Variants in PPM1L observed in about 807,000 individuals in gnomAD.
PPM1L encodes the protein protein phosphatase 1L.
A neutral mutation model predicts 31.4 loss-of-function variants in PPM1L; 13 were observed. The ratio of observed to expected loss-of-function variants is 0.41; its 90% CI spans 0.27 to 0.66. The LOEUF is 0.66. PPM1L is among the 30% of genes least tolerant of loss of function. The pLI, the probability that PPM1L is intolerant of heterozygous loss-of-function variation, is 0.29. For missense variants in PPM1L, 326 were observed against 453.7 expected (o/e 0.72, Z 2.56); for synonymous variants, 184 against 175.4 (o/e 1.05, Z -0.39).
intron 1 of PPM1L, among the ~76,000 whole-genome samples, chr3:160,824,166 A>G (rs1713288142): frequency 6.6e-6 from 1 of 151,980 alleles, no homozygotes; most frequent in African/African-American, 2.4e-5. Flanking sequence ...CATGAATGGG[A>G]TTAGTGTGCC....
chr3:160,776,052 C>G (rs1331320078), intron 1 of PPM1L, among the ~76,000 whole-genome samples: 1 of 152,170 alleles, frequency 6.6e-6, no homozygotes, highest in Non-Finnish European at 1.5e-5. Flanking sequence ...GAATAAAAAT[C>G]ATCACCTTTA....
chr3:160,932,605 T>C (rs1447974443), intron 1 of PPM1L, among the ~76,000 whole-genome samples: 2 of 152,202 alleles, frequency 1.3e-5, no homozygotes, highest in African/African-American at 2.4e-5. Context: ...TTGCCATTTG[T>C]CTGTTTTTGG....
intron 1 of PPM1L, among the ~76,000 whole-genome samples, chr3:160,949,661 G>A (rs1052051671): frequency 3.3e-5 from 5 of 152,238 alleles, no homozygotes; most frequent in Admixed American, 3.3e-4. Context: ...GCCTACATTG[G>A]ACTAAGTGTC....
chr3:160,765,260 C>A (rs1247154437), intron 1 of PPM1L, among the ~76,000 whole-genome samples: 1 of 152,178 alleles, frequency 6.6e-6, no homozygotes, highest in Non-Finnish European at 1.5e-5. Flanking sequence ...GCCATTCAGA[C>A]TTAGAGCTCC....
chr3:160,894,284 T>C (rs907141500), intron 1 of PPM1L, among the ~76,000 whole-genome samples: 1 of 152,200 alleles, frequency 6.6e-6, no homozygotes, highest in Non-Finnish European at 1.5e-5. Flanking sequence ...AACCACTTAA[T>C]ATATAATATG....
chr3:160,793,617 T>C (rs533663171), intron 1 of PPM1L, among the ~76,000 whole-genome samples: 1 of 152,344 alleles, frequency 6.6e-6, no homozygotes, highest in South Asian at 2.1e-4. Context: ...TTGATTTCCA[T>C]GAAATATAAT....
At chr3:161,037,634 G>T (rs1718785450) in intron 2 of PPM1L, among the ~76,000 whole-genome samples, 1 of 126,806 alleles carries the variant, frequency 7.9e-6, no homozygotes, top group African/African-American at 3.0e-5. Context: ...GTTTCTCCAT[G>T]TTGGTCAGGC....
At chr3:160,808,107 C>T (rs997008896) in intron 1 of PPM1L, among the ~76,000 whole-genome samples, 26 of 152,234 alleles carry the variant, frequency 1.7e-4, no homozygotes, top group African/African-American at 5.5e-4. Flanking sequence ...TTTCACATTG[C>T]CTGTTTATCT....
intron 1 of PPM1L, among the ~76,000 whole-genome samples, chr3:160,783,850 A>C (rs7613404): frequency 6.6e-6 from 1 of 152,134 alleles, no homozygotes; most frequent in Non-Finnish European, 1.5e-5. Context: ...ACTTAGAACT[A>C]TATTCTAAGG....
chr3:160,775,802 A>G (rs1253544379), intron 1 of PPM1L, among the ~76,000 whole-genome samples: 1 of 152,250 alleles, frequency 6.6e-6, no homozygotes, highest in African/African-American at 2.4e-5. Context: ...TTCAATCTAT[A>G]GTTTCCCTTC....
rs1004490270 is a variant in PPM1L at position 160,892,671 on chromosome 3, GA to G, written c.400-69055del. 5.9e-4 allele frequency among the ~76,000 whole-genome samples: 87 copies of G among 146,708 alleles called. 1 individual carries two copies. The highest frequency in any genetic ancestry group is 2.2e-3 in the South Asian group (10 of 4,620). On this transcript the variant is annotated intron_variant, in intron 1 of 3. Coordinates refer to ENST00000498165, the MANE Select transcript of PPM1L (RefSeq NM_139245.4). ...GTTTCGTATTATGAAATATAAAAAA[GA>G]AAAAAAAAAGAAATACGTTATTTGG...
At chr3:160,938,267 C>T (rs1334963719) in intron 1 of PPM1L, among the ~76,000 whole-genome samples, 1 of 152,188 alleles carries the variant, frequency 6.6e-6, no homozygotes, top group Non-Finnish European at 1.5e-5. Context: ...CGTCCTACTA[C>T]CAACTGATGG....
At chr3:160,943,469 C>A (rs1021745244) in intron 1 of PPM1L, among the ~76,000 whole-genome samples, 2 of 152,062 alleles carry the variant, frequency 1.3e-5, no homozygotes, top group Admixed American at 1.3e-4. Flanking sequence ...TGGAATTTAG[C>A]TATCATTTAC....
At chr3:160,986,557 A>G (rs1374227683) in intron 2 of PPM1L, among the ~76,000 whole-genome samples, 1 of 152,246 alleles carries the variant, frequency 6.6e-6, no homozygotes, top group Non-Finnish European at 1.5e-5. Flanking sequence ...CATTTGTATT[A>G]ATTAATTGCC....
intron 1 of PPM1L, among the ~76,000 whole-genome samples, chr3:160,856,606 T>C (rs115052438): frequency 2.5e-3 from 380 of 152,198 alleles, no homozygotes; most frequent in African/African-American, 9.0e-3. Flanking sequence ...AGCTAAACAC[T>C]GAGTACACAT....
intron 2 of PPM1L, among the ~76,000 whole-genome samples, chr3:161,007,811 A>G (rs1717762260): frequency 6.6e-6 from 1 of 152,090 alleles, no homozygotes; most frequent in African/African-American, 2.4e-5. Context: ...GGGGATGCTG[A>G]GCAGAGTGGC....
chr3:161,013,357 G>A (rs1321566476), intron 2 of PPM1L, among the ~76,000 whole-genome samples: 1 of 152,200 alleles, frequency 6.6e-6, no homozygotes, highest in Non-Finnish European at 1.5e-5. Context: ...TTAATCCTGA[G>A]TTGTAGTTTG....
At chr3:160,855,137 T>C (rs377130012) in intron 1 of PPM1L, among the ~76,000 whole-genome samples, 113 of 152,270 alleles carry the variant, frequency 7.4e-4, no homozygotes, top group African/African-American at 2.5e-3. Flanking sequence ...GGACTTCCTA[T>C]TCAATAAATG....
chr3:160,944,856 AT>A (rs1559897167), intron 1 of PPM1L, among the ~76,000 whole-genome samples: 1 of 45,914 alleles, frequency 2.2e-5, no homozygotes, highest in Admixed American at 2.7e-4. Context: ...TATAACATAT[AT>A]TATATATAAT....
Sources: allele counts gnomAD v4.1 joint callset (sites outside exome capture counted in the v4.1 genomes callset), GRCh38; gene constraint gnomAD v4.1.1; transcripts MANE v1.5; gene names NCBI Gene and HGNC (gene_info 2026-07-23, HGNC 2026-07-21).